Variants in MBD5 observed in about 807,000 individuals in gnomAD.
The protein encoded by MBD5 is methyl-CpG binding domain protein 5.
A neutral mutation model predicts 117.3 loss-of-function variants in MBD5; 13 were observed. That is an observed-to-expected ratio of 0.11 (90% CI 0.07 to 0.18). The LOEUF is 0.18. Ranked by LOEUF, MBD5 falls within the 10% of genes least tolerant of loss-of-function variation. The pLI is 1.00. For missense variants in MBD5, 1,879 were observed against 2,093.8 expected, an observed-to-expected ratio of 0.90 and a Z score of 2.00; for synonymous variants, 727 against 766.4, an observed-to-expected ratio of 0.95 and a Z score of 0.85.
intron 3 of MBD5, among the ~76,000 whole-genome samples, chr2:148,278,749 G>C (rs1192816836): frequency 6.6e-6 from 1 of 152,164 alleles, no homozygotes; most frequent in Non-Finnish European, 1.5e-5. Flanking sequence ...TCCCATGATA[G>C]ACTGCAAGCT....
chr2:148,303,616 T>A (rs1176165623), intron 3 of MBD5, among the ~76,000 whole-genome samples: 1 of 152,242 alleles, frequency 6.6e-6, no homozygotes, highest in Non-Finnish European at 1.5e-5. Flanking sequence ...ATTCTTTGTC[T>A]AAAGTAAAAT....
chr2:148,219,874 A>G (rs757810346), intron 2 of MBD5: 14 of 152,224 alleles, frequency 9.2e-5, no homozygotes, highest in Non-Finnish European at 1.9e-4. Context: ...GTCAAATATT[A>G]TCACAATTAT....
chr2:148,270,248 A>C (rs1406675440), intron 3 of MBD5, among the ~76,000 whole-genome samples: 1 of 152,156 alleles, frequency 6.6e-6, no homozygotes, highest in Non-Finnish European at 1.5e-5. Flanking sequence ...TAAGGTATGC[A>C]TGACATTAGC....
At chr2:148,228,029 C>A (rs2106117993) in intron 2 of MBD5, among the ~76,000 whole-genome samples, 1 of 152,298 alleles carries the variant, frequency 6.6e-6, no homozygotes, top group Non-Finnish European at 1.5e-5. Flanking sequence ...ATGTGGTTTT[C>A]TAGATATACA....
At chr2:148,085,369 A>C (rs1695750229) in intron 1 of MBD5, among the ~76,000 whole-genome samples, 1 of 152,220 alleles carries the variant, frequency 6.6e-6, no homozygotes, top group African/African-American at 2.4e-5. Flanking sequence ...CCCGTTACTG[A>C]GACTCTTGAA....
chr2:148,267,910 C>T (rs898027749), intron 3 of MBD5, among the ~76,000 whole-genome samples: 3 of 149,924 alleles, frequency 2.0e-5, no homozygotes, highest in South Asian at 2.1e-4. Flanking sequence ...CTATTGTGAA[C>T]GATTTTTTTT....
At chr2:148,332,433 A>G (rs997323316) in intron 3 of MBD5, among the ~76,000 whole-genome samples, 14 of 152,120 alleles carry the variant, frequency 9.2e-5, no homozygotes, top group African/African-American at 2.9e-4. Context: ...CCTTTTCACT[A>G]TCAACTTGAG....
intron 1 of MBD5, among the ~76,000 whole-genome samples, chr2:148,138,008 G>A (rs553348306): frequency 6.6e-6 from 1 of 152,208 alleles, no homozygotes; most frequent in East Asian, 1.9e-4. Context: ...TATCCCTGTC[G>A]TTAAGTGACA....
At chr2:148,499,746 A>G (rs564770550) in intron 11 of MBD5, among the ~76,000 whole-genome samples, 1 of 152,216 alleles carries the variant, frequency 6.6e-6, no homozygotes, top group Non-Finnish European at 1.5e-5. Flanking sequence ...AGTGTTCATT[A>G]AACATGATTT....
chr2:148,270,491 C>T (rs772154403), intron 3 of MBD5, among the ~76,000 whole-genome samples: 18 of 151,092 alleles, frequency 1.2e-4, no homozygotes, highest in Non-Finnish European at 2.1e-4. Flanking sequence ...AGGGTTCAAG[C>T]GATTCTCCTG....
At chr2:148,295,378 G>A (rs751224713) in intron 3 of MBD5, among the ~76,000 whole-genome samples, 21 of 151,860 alleles carry the variant, frequency 1.4e-4, no homozygotes, top group African/African-American at 4.1e-4. Context: ...ATTTCCATCC[G>A]GAATTTCCAC....
chr2:148,418,280 G>A (rs1705487658), intron 4 of MBD5, among the ~76,000 whole-genome samples: 1 of 152,140 alleles, frequency 6.6e-6, no homozygotes, highest in Non-Finnish European at 1.5e-5. Context: ...TTGCTGTGCA[G>A]AAGTGTTTTA....
At chr2:148,172,013 G>A (rs1698275018) in intron 1 of MBD5, among the ~76,000 whole-genome samples, 1 of 152,182 alleles carries the variant, frequency 6.6e-6, no homozygotes, top group African/African-American at 2.4e-5. Context: ...TCTCTACAAA[G>A]AATTTTGAAA....
chr2:148,100,719 CA>C (rs1258643083), intron 1 of MBD5, among the ~76,000 whole-genome samples: 1 of 152,192 alleles, frequency 6.6e-6, no homozygotes, highest in Non-Finnish European at 1.5e-5. Context: ...GATCAGATCC[CA>C]AGAACAAATA....
At chr2:148,301,038 T>C (rs1369272771) in intron 3 of MBD5, among the ~76,000 whole-genome samples, 1 of 152,246 alleles carries the variant, frequency 6.6e-6, no homozygotes, top group African/African-American at 2.4e-5. Context: ...AAATGTATTT[T>C]CTTCTGAAAT....
At chr2:148,381,624 C>A (rs1180208008) in intron 4 of MBD5, among the ~76,000 whole-genome samples, 1 of 152,134 alleles carries the variant, frequency 6.6e-6, no homozygotes, top group Non-Finnish European at 1.5e-5. Context: ...AAAGATACTC[C>A]TTGAGAAGAG....
At chr2:148,060,469 G>T (rs1208905007) in intron 1 of MBD5, among the ~76,000 whole-genome samples, 1 of 151,902 alleles carries the variant, frequency 6.6e-6, no homozygotes, top group African/African-American at 2.4e-5. Flanking sequence ...AAGGTTAATT[G>T]TATTTGTCTG....
chr2:148,033,640 G>A (rs1694103858), intron 1 of MBD5, among the ~76,000 whole-genome samples: 1 of 152,150 alleles, frequency 6.6e-6, no homozygotes, highest in Non-Finnish European at 1.5e-5. Flanking sequence ...TCACAAAGAT[G>A]TAATAAATTG....
At chr2:148,046,659 C>T (rs1411026828) in intron 1 of MBD5, among the ~76,000 whole-genome samples, 1 of 152,130 alleles carries the variant, frequency 6.6e-6, no homozygotes. Context: ...CCGCTCAGTT[C>T]TATCTTTGTG....
Sources: gnomAD v4.1 joint callset for allele counts (sites outside exome capture counted in the v4.1 genomes callset) on GRCh38, gnomAD v4.1.1 for gene constraint, MANE v1.5 for transcripts, NCBI Gene and HGNC (gene_info 2026-07-23, HGNC 2026-07-21) for gene names.